Variants in ARIH2 observed in about 807,000 individuals in gnomAD.
ARIH2 encodes E3 ubiquitin-protein ligase ARIH2.
ARIH2 carries 12 observed loss-of-function variants against 79.8 expected under a neutral mutation model. That is an observed-to-expected ratio of 0.15 (90% CI 0.10 to 0.24). ARIH2 has a LOEUF of 0.24. Among genes scored for constraint, ARIH2 ranks in the 10% least tolerant of loss-of-function variants. ARIH2 has a pLI of 1.00. For synonymous variants in ARIH2, 224 were observed against 213.9 expected (o/e 1.05, Z -0.41); for missense variants, 301 against 618.3 (o/e 0.49, Z 5.44).
At chr3:48,955,053 C>T (rs1213034501) in intron 3 of ARIH2, among the ~76,000 whole-genome samples, 1 of 152,110 alleles carries the variant, frequency 6.6e-6, no homozygotes, top group Non-Finnish European at 1.5e-5. Context: ...CCAAAAATAG[C>T]TGGGCGTGGT....
At chr3:48,979,803 C>T in intron 12 of ARIH2, 170 bp downstream of exon 12, 2 of 669,038 alleles carry the variant, frequency 3.0e-6, no homozygotes. Context: ...CTTTCAAGCT[C>T]TATAGGGTAT....
At chr3:48,931,311 C>T (rs553441351) in intron 3 of ARIH2, among the ~76,000 whole-genome samples, 4 of 152,002 alleles carry the variant, frequency 2.6e-5, no homozygotes, top group South Asian at 2.1e-4. Context: ...TATGGGAGGC[C>T]GAGGCGGGTG....
At chr3:48,931,283 C>T (rs1447999116) in intron 3 of ARIH2, among the ~76,000 whole-genome samples, 2 of 152,122 alleles carry the variant, frequency 1.3e-5, no homozygotes, top group African/African-American at 2.4e-5. Context: ...CAGTGGCTCA[C>T]GCCTGTAATC....
chr3:48,979,585 A>G lies in ARIH2; in HGVS notation c.1065A>G (p.Gln355=). 1.2e-6 allele frequency: 2 copies of G among 1,614,250 alleles called. No individual in the cohort carries two copies. The highest frequency in any genetic ancestry group is 1.1e-5 in the South Asian group (1 of 91,088). The change falls in exon 12 of 16, where the codon CAA becomes CAG. Residue 355 remains glutamine, a synonymous_variant. Transcript: ENST00000356401. ...CTGACATCGTGAACCAGAGCCAACA[A>G]GCCCAGGCGAGGGAAGCCCTCAAGA... is the stretch of plus-strand genomic sequence containing the variant. ...ENPDIVNQSQ[Q]AQAREALKKY... is the part of the protein sequence containing the mutation.
chr3:48,958,079 A>G (rs527827595), intron 3 of ARIH2, among the ~76,000 whole-genome samples: 2 of 152,246 alleles, frequency 1.3e-5, no homozygotes, highest in Admixed American at 1.3e-4. Flanking sequence ...GAGCAGGTCA[A>G]AACTCCCGTG....
chr3:48,981,556 G>C lies in ARIH2; in HGVS notation c.1258-104G>C, dbSNP rs187928747. 102 of 863,672 alleles carry C rather than the reference G, an allele frequency of 1.2e-4. 1 individual carries two copies. In the African/African-American group the frequency reaches 1.4e-3, roughly 12 times the overall value. The allele number at this position is 863,672 out of a possible 1,614,324, so 53.5% of individuals were successfully genotyped here. ...TTTCTTTCAGGCCTATATCTATAGAGCTGGGCTAATTTGCATGTTGAGGGT... is the reference window on the plus strand; with the variant it reads ...TTTCTTTCAGGCCTATATCTATAGACCTGGGCTAATTTGCATGTTGAGGGT... On this transcript the variant is annotated intron_variant, in intron 13 of 15. Transcript: ENST00000356401.
At chr3:48,942,707 A>C (rs1041496058) in intron 3 of ARIH2, among the ~76,000 whole-genome samples, 1 of 143,456 alleles carries the variant, frequency 7.0e-6, no homozygotes, top group Non-Finnish European at 1.5e-5. Flanking sequence ...GCTGGAGTGC[A>C]ATGGCACGAT....
In ARIH2 at chr3:48,927,619, T is replaced by C. The variant is rs1172945432; in HGVS notation, c.61T>C (p.Cys21Arg). The change falls in exon 3 of 16, where the codon TGT becomes CGT. Residue 21 changes from cysteine to arginine, a missense_variant. By Grantham distance (180) the Cys-to-Arg change is radical. Coordinates refer to ENST00000356401, the MANE Select transcript of ARIH2 (RefSeq NM_006321.4). Reference sequence around the variant, plus strand: ...CAATGAAGAGGACTATGACCCAAATTGTGAGGAAGAGGAAGAAGAAGAAGA... The same window carrying C: ...CAATGAAGAGGACTATGACCCAAATCGTGAGGAAGAGGAAGAAGAAGAAGA... ...DSNEEDYDPN[C>R]EEEEEEEEDD... The C allele has an allele frequency of 6.2e-7, 1 of 1,613,656 alleles. No individual in the cohort carries two copies. Among genetic ancestry groups the C allele is most frequent in the Admixed American group, 1.7e-5 (1 of 59,892 alleles).
chr3:48,938,761 A>G (rs2087544912), intron 3 of ARIH2, among the ~76,000 whole-genome samples: 1 of 152,110 alleles, frequency 6.6e-6, no homozygotes, highest in Admixed American at 6.6e-5. Context: ...ACATCATTAC[A>G]AAATGTAAGC....
rs2092833245 is a variant in ARIH2 at position 48,983,892 on chromosome 3, T to C, written c.*622T>C. 1.3e-5 allele frequency: 2 copies of C among 152,866 alleles called. No homozygotes were observed. The allele number at this position is 152,866 out of a possible 1,614,324, so 9.5% of individuals were successfully genotyped here. A position where few individuals can be genotyped will look rare whatever the true frequency, so the allele number is the denominator to read the frequency against. On this transcript the variant is annotated 3_prime_UTR_variant, in exon 16 of 16. Transcript: ENST00000356401. ...AGGGGTCACAGCATGCCTCCTGCCT[T>C]ACCGTGGCAGTACGGAGACAGTCCA... is the stretch of plus-strand genomic sequence containing the variant.
intron 3 of ARIH2, among the ~76,000 whole-genome samples, chr3:48,959,649 C>CAAAAAAAAA (rs71077758): frequency 1.6e-3 from 80 of 50,084 alleles, no homozygotes; most frequent in African/African-American, 2.7e-3. Flanking sequence ...TAAAAAATAC[C>CAAAAAAAAA]AAAAAAAAAA....
chr3:48,927,501 TG>T lies in ARIH2; in HGVS notation c.-52del. Reference sequence around the variant, plus strand: ...AATGCATTTGAGAAAGCGGTAGTTTTGGGGGGAGGGGGAAAAAGCAACTGCT... The same window carrying T: ...AATGCATTTGAGAAAGCGGTAGTTTTGGGGGAGGGGGAAAAAGCAACTGCT... On this transcript the variant is annotated 5_prime_UTR_variant, in exon 3 of 16. Transcript: ENST00000356401. The T allele has an allele frequency of 6.3e-7, 1 of 1,580,166 alleles. No individual in the cohort carries two copies. The highest frequency in any genetic ancestry group is 8.6e-7 in the Non-Finnish European group (1 of 1,165,980).
chr3:48,944,725 A>G (rs2088870501), intron 3 of ARIH2, among the ~76,000 whole-genome samples: 1 of 152,148 alleles, frequency 6.6e-6, no homozygotes, highest in African/African-American at 2.4e-5. Flanking sequence ...CACCACCACT[A>G]CTGATGCTAA....
chr3:48,979,583 C>G lies in ARIH2; in HGVS notation c.1063C>G (p.Gln355Glu). ...ENPDIVNQSQ[Q>E]AQAREALKKY... ...TCCTGACATCGTGAACCAGAGCCAA[C>G]AAGCCCAGGCGAGGGAAGCCCTCAA... is the stretch of plus-strand genomic sequence containing the variant. Residue 355 changes from glutamine (Q) to glutamate (E), a missense_variant, in exon 12 of 16, where the codon CAA becomes GAA. By Grantham distance (29) the Gln-to-Glu change is conservative. Around this residue, in one of 2 missense-constraint regions of ARIH2, gnomAD observed 78 missense variants for 268.9 expected, o/e 0.29. Coordinates refer to ENST00000356401, the MANE Select transcript of ARIH2 (RefSeq NM_006321.4). 6.2e-7 allele frequency: 1 copy of G among 1,614,250 alleles called. No homozygotes were observed. The highest frequency in any genetic ancestry group is 8.5e-7 in the Non-Finnish European group (1 of 1,180,054).
intron 3 of ARIH2, among the ~76,000 whole-genome samples, chr3:48,960,848 A>T (rs2091173995): frequency 6.6e-6 from 1 of 151,692 alleles, no homozygotes; most frequent in Non-Finnish European, 1.5e-5. Context: ...TCTGTCATAT[A>T]TTATTTAACT....
Position 48,973,870 on chromosome 3 carries a change from G to A in ARIH2, c.888+54G>A, listed in dbSNP as rs1576510645. 4.4e-6 allele frequency: 6 copies of A among 1,357,476 alleles called. No individual in the cohort carries two copies. The East Asian group carries it at 1.2e-4, about 26-fold the overall frequency. 84.1% of individuals were successfully genotyped at this position (1,357,476 alleles called of 1,614,324 possible). On this transcript the variant is annotated intron_variant, in intron 9 of 15. Coordinates refer to ENST00000356401, the MANE Select transcript of ARIH2 (RefSeq NM_006321.4). ...TTTGCCCTCCTTAGTGCTGCCCAGGGCCTTGCCTTGGAGATTTGCCATCTG... is the reference window on the plus strand; with the variant it reads ...TTTGCCCTCCTTAGTGCTGCCCAGGACCTTGCCTTGGAGATTTGCCATCTG...
chr3:48,963,519 G>T (rs2091485044), intron 4 of ARIH2, among the ~76,000 whole-genome samples: 1 of 152,200 alleles, frequency 6.6e-6, no homozygotes, highest in Non-Finnish European at 1.5e-5. Flanking sequence ...TGGGCTTTGT[G>T]TGGCACTTTT....
chr3:48,924,015 A>G (rs562046292), intron 2 of ARIH2, among the ~76,000 whole-genome samples: 47 of 152,134 alleles, frequency 3.1e-4, no homozygotes, highest in Non-Finnish European at 6.2e-4. Context: ...CTGTAGTCCC[A>G]GTTACTCAGG....
At position 48,970,675 on chromosome 3, in the gene ARIH2, A is replaced by G. The variant is rs1445890506; in HGVS notation, c.741A>G (p.Val247=). Residue 247 remains valine (V), a synonymous_variant, in exon 8 of 16, where the codon GTA becomes GTG. Coordinates refer to ENST00000356401, the MANE Select transcript of ARIH2 (RefSeq NM_006321.4). Reference sequence around the variant, plus strand: ...TACAGGAGCCTAGAGCTCGCCGAGTACAGTGCAATCGGTGCAACGAGGTCT... The same window carrying G: ...TACAGGAGCCTAGAGCTCGCCGAGTGCAGTGCAATCGGTGCAACGAGGTCT... ...IRVQEPRARR[V]QCNRCNEVFC... 1 of 1,613,916 alleles carries G rather than the reference A, an allele frequency of 6.2e-7. No individual in the cohort carries two copies. Among genetic ancestry groups the G allele is most frequent in the Non-Finnish European group, 8.5e-7 (1 of 1,179,904 alleles).
Sources: allele counts gnomAD v4.1 joint callset (sites outside exome capture counted in the v4.1 genomes callset), GRCh38; gene constraint gnomAD v4.1.1; regional missense constraint gnomAD v4.1.1; transcripts MANE v1.5; gene names NCBI Gene and HGNC (gene_info 2026-07-23, HGNC 2026-07-21).